PFDN6: variants seen among roughly 807,000 people sequenced by gnomAD.
PFDN6 encodes prefoldin subunit 6.
Under a neutral mutation model 19.3 loss-of-function variants are expected in PFDN6, and 5 were observed. The ratio of observed to expected loss-of-function variants is 0.26; its 90% CI spans 0.14 to 0.55. The LOEUF (loss-of-function observed/expected upper bound fraction) is 0.55. PFDN6 is among the 20% of genes least tolerant of loss of function. PFDN6 has a pLI of 0.94. For synonymous variants in PFDN6, 51 were observed against 63.4 expected, an observed-to-expected ratio of 0.80 and a Z score of 0.93; for missense variants, 101 against 149.4, an observed-to-expected ratio of 0.68 and a Z score of 1.69.
At position 33,289,817 on chromosome 6, in the gene PFDN6, A is replaced by G. The variant is rs562808553; in HGVS notation, c.-40A>G. ...AGGTACCTTCCAGAGAGTGAGACCC[A>G]GCGCCCTTGTCTCGCACCCAGTAGG... is the stretch of plus-strand genomic sequence containing the variant. On this transcript the variant is annotated 5_prime_UTR_variant, in exon 1 of 4. Coordinates refer to ENST00000374606, the MANE Select transcript of PFDN6 (RefSeq NM_001185181.3). 6.6e-7 allele frequency: 1 copy of G among 1,523,278 alleles called. No homozygotes were observed. The highest frequency in any genetic ancestry group is 1.2e-5 in the South Asian group (1 of 80,692). The allele number at this position is 1,523,278 out of a possible 1,614,324, so 94.4% of individuals were successfully genotyped here.
At chr6:33,290,574 C>A in intron 3 of PFDN6, 124 bp downstream of exon 3, 4 of 1,458,544 alleles carry the variant, frequency 2.7e-6, no homozygotes, top group Non-Finnish European at 9.3e-7. Flanking sequence ...TTCCTCCAAC[C>A]CTTTCCTTCC....
chr6:33,289,342 G>GT, upstream of PFDN6: 1 of 1,359,604 alleles, frequency 7.4e-7, no homozygotes, highest in Non-Finnish European at 9.4e-7. Context: ...GGGCGGAACA[G>GT]TTTTTGGCAC....
chr6:33,290,618 C>G, intron 3 of PFDN6, 98 bp from the exon 4 acceptor site: 1 of 1,514,628 alleles, frequency 6.6e-7, no homozygotes, highest in South Asian at 1.2e-5. Flanking sequence ...TCCCCTGGAT[C>G]TCAAGTTTTC....
At chr6:33,290,017 C>A in intron 1 of PFDN6, 97 bp downstream of exon 1, 1 of 1,319,298 alleles carries the variant, frequency 7.6e-7, no homozygotes, top group Non-Finnish European at 1.1e-6. Flanking sequence ...CCCTCGCGTG[C>A]AGAGACTTCC....
Position 33,290,823 on chromosome 6 carries a change from CA to C in PFDN6, c.369del (p.Ala125LeufsTer27). On this transcript the variant is annotated frameshift_variant, in exon 4 of 4. Coordinates refer to ENST00000374606, the MANE Select transcript of PFDN6 (RefSeq NM_001185181.3). LOFTEE classifies it high-confidence loss of function. ...TTCCAGCGGGCCCAGGCAGCAAAGGCAGGGGCTCCTGGCAAGGCCTGACCCC... is the reference window on the plus strand; with the variant it reads ...TTCCAGCGGGCCCAGGCAGCAAAGGCGGGGCTCCTGGCAAGGCCTGACCCC... ...QEFQRAQAAK[A>X]GAPGKA The C allele has an allele frequency of 1.2e-6, 2 of 1,602,154 alleles. No homozygotes were observed. The highest frequency in any genetic ancestry group is 1.7e-6 in the Non-Finnish European group (2 of 1,179,570).
At chr6:33,289,381 G>C, upstream of PFDN6, 2 of 1,336,122 alleles carry the variant, frequency 1.5e-6, no homozygotes, top group South Asian at 4.4e-5. Context: ...TTATGCAAGA[G>C]TGATTTAAAA....
chr6:33,289,245 A>T (rs1767053051), upstream of PFDN6: 1 of 1,557,114 alleles, frequency 6.4e-7, no homozygotes, highest in Non-Finnish European at 8.7e-7. Flanking sequence ...AACTCCCGGA[A>T]GCCCTCTGTC....
At position 33,289,608 on chromosome 6, in the gene PFDN6, C is replaced by T. The variant is rs1331527791; in HGVS notation, c.-249C>T. 6 of 623,732 alleles carry T rather than the reference C, an allele frequency of 9.6e-6. No individual in the cohort carries two copies. The highest frequency in any genetic ancestry group is 1.5e-5 in the Non-Finnish European group (6 of 412,660). The allele number at this position is 623,732 out of a possible 1,614,324, so 38.6% of individuals were successfully genotyped here. On this transcript the variant is annotated 5_prime_UTR_variant, in exon 1 of 4. Transcript: ENST00000374606. Reference sequence around the variant, plus strand: ...TTGTTTACTTCCGGGTTTATTACTACTGAAGGAAGAACGTGAGTAGGTTAG... The same window carrying T: ...TTGTTTACTTCCGGGTTTATTACTATTGAAGGAAGAACGTGAGTAGGTTAG...
rs938162306 is a variant in PFDN6 at position 33,289,715 on chromosome 6, G to A, written c.-142G>A. The A allele has an allele frequency of 3.8e-5, 24 of 632,786 alleles. No homozygotes were observed. In the East Asian group the frequency reaches 4.5e-4, roughly 12 times the overall value. The allele number at this position is 632,786 out of a possible 1,614,324, so 39.2% of individuals were successfully genotyped here. A position where few individuals can be genotyped will look rare whatever the true frequency, so the allele number is the denominator to read the frequency against. On this transcript the variant is annotated 5_prime_UTR_variant, in exon 1 of 4. Transcript: ENST00000374606. ...GGTGGAGTCGATATCCGGGACGGGG[G>A]GGAGGTTGCGGTGCCCCTCAGGGCT...
rs1447844692 is a variant in PFDN6 at position 33,290,373 on chromosome 6, T to C, written c.183T>C (p.Gly61=). 4 of 1,608,892 alleles carry C rather than the reference T, an allele frequency of 2.5e-6. No homozygotes were observed. The Admixed American group carries it at 6.7e-5, about 27-fold the overall frequency. The part of the protein sequence containing the change: ...DGSNVVFKLL[G]PVLVKQELGE... ...CCAACGTGGTCTTTAAACTTCTGGG[T>C]CCGGTGCTAGTCAAACAGGAGCTGG... The change falls in exon 3 of 4, where the codon GGT becomes GGC. Residue 61 remains glycine, a synonymous_variant. Coordinates refer to ENST00000374606, the MANE Select transcript of PFDN6 (RefSeq NM_001185181.3).
In PFDN6 at chr6:33,290,741, G is replaced by T; in HGVS notation, c.286G>T (p.Asp96Tyr). Reference sequence around the variant, plus strand: ...TAAGCGATACGAATCCCAGCTTCGGGATCTTGAGCGGCAGTCAGAGCAACA... The same window carrying T: ...TAAGCGATACGAATCCCAGCTTCGGTATCTTGAGCGGCAGTCAGAGCAACA... ...EIKRYESQLR[D>Y]LERQSEQQRE... The change falls in exon 4 of 4, where the codon GAT becomes TAT. Residue 96 changes from aspartate (D) to tyrosine (Y), a missense_variant. This residue lies in a region of PFDN6 where 47 missense variants were observed against 40.6 expected (regional missense o/e 1.16). Transcript: ENST00000374606. 6.2e-7 allele frequency: 1 copy of T among 1,612,760 alleles called. No homozygotes were observed.
At position 33,289,617 on chromosome 6, in the gene PFDN6, G is replaced by A; in HGVS notation, c.-240G>A. The A allele has an allele frequency of 1.7e-6, 1 of 589,008 alleles. No individual in the cohort carries two copies. Among genetic ancestry groups the A allele is most frequent in the Non-Finnish European group, 2.6e-6 (1 of 380,564 alleles). The allele number at this position is 589,008 out of a possible 1,614,324, so 36.5% of individuals were successfully genotyped here. On this transcript the variant is annotated 5_prime_UTR_variant, in exon 1 of 4. Coordinates refer to ENST00000374606, the MANE Select transcript of PFDN6 (RefSeq NM_001185181.3). ...TCCGGGTTTATTACTACTGAAGGAA[G>A]AACGTGAGTAGGTTAGGATTTCGGT...
At position 33,289,760 on chromosome 6, in the gene PFDN6, A is replaced by G. The variant is rs1581696824; in HGVS notation, c.-97A>G. ...AGGGCTACCTCTCAAGAGTGCTATC[A>G]TTTCCGCAGGCCAGATCAGAAAAGG... is the stretch of plus-strand genomic sequence containing the variant. On this transcript the variant is annotated 5_prime_UTR_variant, in exon 1 of 4. Coordinates refer to ENST00000374606, the MANE Select transcript of PFDN6 (RefSeq NM_001185181.3). The G allele has an allele frequency of 5.5e-5, 56 of 1,020,416 alleles. No homozygotes were observed. The East Asian group carries it at 1.4e-3, about 25-fold the overall frequency. The allele number at this position is 1,020,416 out of a possible 1,614,324, so 63.2% of individuals were successfully genotyped here. A position where few individuals can be genotyped will look rare whatever the true frequency, so the allele number is the denominator to read the frequency against.
At chr6:33,289,365 G>A, upstream of PFDN6, 1 of 1,344,276 alleles carries the variant, frequency 7.4e-7, no homozygotes, top group Non-Finnish European at 9.5e-7. Context: ...TATCGCGAGC[G>A]GCAGCTTATG....
rs1317162146 is a variant in PFDN6, at chr6:33,290,911, T to A, written c.*66T>A. On this transcript the variant is annotated 3_prime_UTR_variant, in exon 4 of 4. Coordinates refer to ENST00000374606, the MANE Select transcript of PFDN6 (RefSeq NM_001185181.3). Reference sequence around the variant, plus strand: ...GCAGCTCTAGGATCTATACTGTAGCTAATAAAATGTAAAAACACCTGGCTC... The same window carrying A: ...GCAGCTCTAGGATCTATACTGTAGCAAATAAAATGTAAAAACACCTGGCTC... 1 of 1,425,850 alleles carries A rather than the reference T, an allele frequency of 7.0e-7. No homozygotes were observed. Among genetic ancestry groups the A allele is most frequent in the Non-Finnish European group, 9.4e-7 (1 of 1,058,370 alleles). 88.3% of individuals were successfully genotyped at this position (1,425,850 alleles called of 1,614,324 possible).
Position 33,290,860 on chromosome 6 carries a change from G to A in PFDN6, c.*15G>A. The A allele has an allele frequency of 6.5e-7, 1 of 1,539,128 alleles. No individual in the cohort carries two copies. The highest frequency in any genetic ancestry group is 8.8e-7 in the Non-Finnish European group (1 of 1,135,342). ...GCAAGGCCTGACCCCATGGTGGGGGGAGGGGAGGGGAGGGGAGGGAATGAG... is the reference window on the plus strand; with the variant it reads ...GCAAGGCCTGACCCCATGGTGGGGGAAGGGGAGGGGAGGGGAGGGAATGAG... On this transcript the variant is annotated 3_prime_UTR_variant, in exon 4 of 4. Coordinates refer to ENST00000374606, the MANE Select transcript of PFDN6 (RefSeq NM_001185181.3).
Position 33,289,764 on chromosome 6 carries a change from C to A in PFDN6, c.-93C>A. On this transcript the variant is annotated 5_prime_UTR_variant, in exon 1 of 4. Coordinates refer to ENST00000374606, the MANE Select transcript of PFDN6 (RefSeq NM_001185181.3). Reference sequence around the variant, plus strand: ...CTACCTCTCAAGAGTGCTATCATTTCCGCAGGCCAGATCAGAAAAGGGAGC... The same window carrying A: ...CTACCTCTCAAGAGTGCTATCATTTACGCAGGCCAGATCAGAAAAGGGAGC... The A allele has an allele frequency of 9.4e-7, 1 of 1,061,916 alleles. No individual in the cohort carries two copies. Among genetic ancestry groups the A allele is most frequent in the South Asian group, 1.7e-5 (1 of 58,710 alleles). 65.8% of individuals were successfully genotyped at this position (1,061,916 alleles called of 1,614,324 possible).
In PFDN6 at chr6:33,290,396, TG is replaced by T; in HGVS notation, c.211del (p.Glu71ArgfsTer6). 1.2e-6 allele frequency: 2 copies of T among 1,604,916 alleles called. No individual in the cohort carries two copies. The highest frequency in any genetic ancestry group is 1.1e-5 in the South Asian group (1 of 89,858). On this transcript the variant is annotated frameshift_variant, in exon 3 of 4. Coordinates refer to ENST00000374606, the MANE Select transcript of PFDN6 (RefSeq NM_001185181.3). LOFTEE classifies it high-confidence loss of function. ...GGTCCGGTGCTAGTCAAACAGGAGC[TG>T]GGGGAGGCTCGGGCCACAGTAGGGA... The part of the protein sequence containing the change: ...LLGPVLVKQE[L>X]GEARATVGKR...
intron 3 of PFDN6, 124 bp from the exon 4 acceptor site, chr6:33,290,592 C>G (rs1767260951): frequency 2.0e-6 from 3 of 1,464,482 alleles, no homozygotes; most frequent in Admixed American, 4.1e-5. Flanking sequence ...TCCCTTTTAA[C>G]CCCCCTTCTT....
Sources: allele counts gnomAD v4.1 joint callset, GRCh38; gene constraint gnomAD v4.1.1; regional missense constraint gnomAD v4.1.1; transcripts MANE v1.5; gene names NCBI Gene and HGNC (gene_info 2026-07-23, HGNC 2026-07-21).